The following CCDC7 variants were observed in gnomAD, a reference collection of about 807,000 sequenced individuals.
The protein encoded by CCDC7 is coiled-coil domain-containing protein 7.
In CCDC7, 183 loss-of-function variants were observed where a neutral mutation model predicts 196.9. That is an observed-to-expected ratio of 0.93 (90% CI 0.82 to 1.05). CCDC7 has a LOEUF of 1.05. Ranked by LOEUF, CCDC7 falls within the 50% of genes least tolerant of loss-of-function variation. The probability of loss-of-function intolerance (pLI) is 0.00; values close to 1 mark genes in which losing one functional copy is unlikely to be tolerated. For synonymous variants in CCDC7, 525 were observed against 484.6 expected, an observed-to-expected ratio of 1.08 and a Z score of -1.10; for missense variants, 1,540 against 1,482.2, an observed-to-expected ratio of 1.04 and a Z score of -0.64.
chr10:32,761,128 C>A (rs1257880563), intron 28 of CCDC7, among the ~76,000 whole-genome samples: 1 of 151,956 alleles, frequency 6.6e-6, no homozygotes, highest in Admixed American at 6.6e-5. Flanking sequence ...ATTCACTAGA[C>A]AAAACAGACT....
intron 8 of CCDC7, among the ~76,000 whole-genome samples, chr10:32,483,649 A>T (rs2040419906): frequency 6.6e-6 from 1 of 152,158 alleles, no homozygotes; most frequent in East Asian, 1.9e-4. Context: ...TAAGTCTTTA[A>T]TCCATCTTGA....
intron 31 of CCDC7, among the ~76,000 whole-genome samples, chr10:32,820,386 C>G (rs2089921264): frequency 6.6e-6 from 1 of 152,174 alleles, no homozygotes; most frequent in Non-Finnish European, 1.5e-5. Context: ...AATGGCCATA[C>G]TGCCCAAGGT....
intron 8 of CCDC7, among the ~76,000 whole-genome samples, chr10:32,477,523 G>C (rs1010977484): frequency 1.3e-5 from 2 of 151,554 alleles, no homozygotes; most frequent in Non-Finnish European, 2.9e-5. Flanking sequence ...ATTTTTGTGA[G>C]AACTGTAAAG....
intron 11 of CCDC7, among the ~76,000 whole-genome samples, chr10:32,526,989 G>A (rs1364644984): frequency 6.6e-6 from 1 of 152,088 alleles, no homozygotes; most frequent in South Asian, 2.1e-4. Context: ...TCTAGAAATT[G>A]CAGTCCATGT....
At chr10:32,831,411 T>C (rs1054636085) in intron 32 of CCDC7, among the ~76,000 whole-genome samples, 6 of 152,222 alleles carry the variant, frequency 3.9e-5, no homozygotes, top group African/African-American at 1.4e-4. Flanking sequence ...ACATGAAATT[T>C]ATTTTTAAAA....
chr10:32,474,116 T>G, intron 8 of CCDC7, 93 bp downstream of exon 9: 1 of 1,296,232 alleles, frequency 7.7e-7, no homozygotes, highest in Non-Finnish European at 1.0e-6. Flanking sequence ...CAGTGCAGAC[T>G]CCTTGCCTTG....
chr10:32,638,375 A>C (rs553665570), intron 20 of CCDC7, among the ~76,000 whole-genome samples: 31 of 152,274 alleles, frequency 2.0e-4, no homozygotes, highest in Admixed American at 1.3e-3. Flanking sequence ...GTTTGTCATA[A>C]ATAGCTCTTA....
chr10:32,567,394 T>C (rs1564679384), intron 14 of CCDC7, among the ~76,000 whole-genome samples: 2 of 152,028 alleles, frequency 1.3e-5, no homozygotes, highest in Non-Finnish European at 2.9e-5. Context: ...ATTTTGCTTG[T>C]ATAATAATTA....
chr10:32,652,146 C>A (rs1298938206), intron 20 of CCDC7, among the ~76,000 whole-genome samples: 1 of 151,986 alleles, frequency 6.6e-6, no homozygotes, highest in African/African-American at 2.4e-5. Flanking sequence ...TTGTATTGAG[C>A]CCTTTATCAT....
intron 1 of CCDC7, 88 bp downstream of exon 2, chr10:32,452,009 A>G: frequency 6.9e-7 from 1 of 1,448,830 alleles, no homozygotes; most frequent in Non-Finnish European, 9.1e-7. Flanking sequence ...ATGACTCCAC[A>G]TATAGTCATA....
At chr10:32,611,036 C>G (rs963759913) in intron 18 of CCDC7, among the ~76,000 whole-genome samples, 6 of 152,202 alleles carry the variant, frequency 3.9e-5, no homozygotes, top group Non-Finnish European at 7.3e-5. Context: ...GACACTCCCA[C>G]CAATGGTGTA....
intron 18 of CCDC7, chr10:32,623,665 A>G (rs1171290615): frequency 8.7e-6 from 4 of 461,600 alleles, no homozygotes; most frequent in South Asian, 1.6e-5. Context: ...GAAATACTTG[A>G]GGCTGGGTTA....
At chr10:32,784,927 G>A (rs1277638976) in intron 29 of CCDC7, among the ~76,000 whole-genome samples, 1 of 151,856 alleles carries the variant, frequency 6.6e-6, no homozygotes, top group Non-Finnish European at 1.5e-5. Flanking sequence ...GCTTGAACCT[G>A]GGAGGCAGAG....
At chr10:32,463,381 A>G (rs981765332) in intron 5 of CCDC7, among the ~76,000 whole-genome samples, 1 of 152,198 alleles carries the variant, frequency 6.6e-6, no homozygotes, top group Non-Finnish European at 1.5e-5. Flanking sequence ...TATTTCTACC[A>G]TATTTTAAAA....
intron 21 of CCDC7, among the ~76,000 whole-genome samples, chr10:32,675,422 C>A (rs2074776725): frequency 6.6e-6 from 1 of 151,880 alleles, no homozygotes; most frequent in Non-Finnish European, 1.5e-5. Context: ...TTATTCCACC[C>A]CCATTTTAGG....
At chr10:32,692,787 A>AT (rs1328539418) in intron 23 of CCDC7, among the ~76,000 whole-genome samples, 1 of 152,160 alleles carries the variant, frequency 6.6e-6, no homozygotes, top group Non-Finnish European at 1.5e-5. Flanking sequence ...CCAGTGTCCC[A>AT]TTTTACCCCA....
intron 28 of CCDC7, among the ~76,000 whole-genome samples, chr10:32,755,016 C>T (rs1269487851): frequency 6.6e-6 from 1 of 152,196 alleles, no homozygotes; most frequent in East Asian, 1.9e-4. Context: ...GCCTCACTCA[C>T]TGCTAGCACG....
intron 40 of CCDC7, 59 bp from the exon 42 acceptor site, chr10:32,854,341 A>G: frequency 1.0e-6 from 1 of 998,052 alleles, no homozygotes; most frequent in Non-Finnish European, 1.5e-6. Flanking sequence ...TTAACATTTT[A>G]AAAGTTGAAA....
intron 18 of CCDC7, among the ~76,000 whole-genome samples, chr10:32,631,229 C>T (rs796880497): frequency 6.6e-6 from 1 of 152,216 alleles, no homozygotes; most frequent in South Asian, 2.1e-4. Flanking sequence ...AAACCATTGC[C>T]TAAAGCAAAA....
Sources: allele counts gnomAD v4.1 joint callset (sites outside exome capture counted in the v4.1 genomes callset), GRCh38; gene constraint gnomAD v4.1.1; transcripts MANE v1.5; gene names NCBI Gene and HGNC (gene_info 2026-07-23, HGNC 2026-07-21).